OPRM1: variants seen among roughly 807,000 people sequenced by gnomAD.
OPRM1 encodes the protein opioid receptor mu 1, also known as mu-type opioid receptor.
Under a neutral mutation model 31.8 loss-of-function variants are expected in OPRM1, and 27 were observed. The ratio of observed to expected loss-of-function variants is 0.85; its 90% CI spans 0.63 to 1.17. OPRM1 has a LOEUF of 1.17. Among genes scored for constraint, OPRM1 ranks in the 50% most tolerant of loss-of-function variants. OPRM1 has a pLI of 0.00. For missense variants in OPRM1, 536 were observed against 511.1 expected (o/e 1.05, Z -0.47); for synonymous variants, 196 against 189.9 (o/e 1.03, Z -0.26).
chr6:154,133,677 G>A (rs1036820625), downstream of OPRM1, among the ~76,000 whole-genome samples: 5 of 152,100 alleles, frequency 3.3e-5, no homozygotes, highest in Admixed American at 6.5e-5. Context: ...TCATGTACCC[G>A]TGCCAGAATT....
intron 3 of OPRM1, among the ~76,000 whole-genome samples, chr6:154,172,078 C>T (rs1440735836): frequency 2.0e-5 from 3 of 152,166 alleles, no homozygotes; most frequent in Non-Finnish European, 4.4e-5. Context: ...TGATAGAAAA[C>T]AACTTACCAA....
intron 3 of OPRM1, among the ~76,000 whole-genome samples, chr6:154,111,404 G>T (rs181833385): frequency 4.6e-5 from 7 of 152,204 alleles, no homozygotes; most frequent in Admixed American, 1.3e-4. Context: ...ACTTTGAATG[G>T]CATCACAAAG....
At chr6:154,106,628 C>T (rs949471766) in intron 3 of OPRM1, among the ~76,000 whole-genome samples, 1 of 152,218 alleles carries the variant, frequency 6.6e-6, no homozygotes, top group Admixed American at 6.5e-5. Context: ...CTGACTTGCC[C>T]TAAACCTCCC....
intron 1 of OPRM1, among the ~76,000 whole-genome samples, chr6:154,016,431 T>C (rs933781538): frequency 2.6e-5 from 4 of 152,204 alleles, no homozygotes; most frequent in Non-Finnish European, 4.4e-5. Flanking sequence ...GAAGAGAATA[T>C]ACTGTTAATA....
intron 3 of OPRM1, among the ~76,000 whole-genome samples, chr6:154,179,457 G>C (rs1800647967): frequency 6.6e-6 from 1 of 152,190 alleles, no homozygotes. Context: ...AAGACCGCTT[G>C]TCTCTCTCCC....
rs1270215176 is a variant in OPRM1, at chr6:154,127,099, A to T, written c.*8378A>T. Among the ~76,000 whole-genome samples, 1 of 61,658 alleles carries T rather than the reference A, an allele frequency of 1.6e-5. No individual in the cohort carries two copies. The highest frequency in any genetic ancestry group is 3.1e-5 in the Non-Finnish European group (1 of 31,964). The allele number at this position is 61,658 out of a possible 152,430, so 40.5% of individuals were successfully genotyped here. ...ACTCCAGCCTGGGCAACAGAATGAG[A>T]TTGTCTCAAAAAAAAAAAAAAGTGC... On this transcript the variant is annotated 3_prime_UTR_variant, in exon 4 of 4. Coordinates refer to ENST00000330432, the MANE Select transcript of OPRM1 (RefSeq NM_000914.5).
rs1234919724 is a variant in OPRM1 at position 154,125,888 on chromosome 6, C to T, written c.*7167C>T. On this transcript the variant is annotated 3_prime_UTR_variant, in exon 4 of 4. Coordinates refer to ENST00000330432, the MANE Select transcript of OPRM1 (RefSeq NM_000914.5). ...CGGGATCTCGGCTCACTGCAAGCTC[C>T]GCCTCCCGGGTTCACGCCATTCTCC... is the stretch of plus-strand genomic sequence containing the variant. Among the ~76,000 whole-genome samples the T allele has an allele frequency of 1.7e-4, 1 of 6,024 alleles. No homozygotes were observed. The highest frequency in any genetic ancestry group is 2.3e-4 in the African/African-American group (1 of 4,354). 4.0% of individuals were successfully genotyped at this position (6,024 alleles called of 152,430 possible). A position where few individuals can be genotyped will look rare whatever the true frequency, so the allele number is the denominator to read the frequency against.
intron 1 of OPRM1, among the ~76,000 whole-genome samples, chr6:154,020,299 A>G (rs1778288706): frequency 6.6e-6 from 1 of 152,088 alleles, no homozygotes; most frequent in African/African-American, 2.4e-5. Flanking sequence ...AACAGTGGCT[A>G]GGTGTTTAGT....
At chr6:154,092,948 C>T (rs781247246) in intron 3 of OPRM1, among the ~76,000 whole-genome samples, 1 of 152,198 alleles carries the variant, frequency 6.6e-6, no homozygotes, top group Admixed American at 6.5e-5. Flanking sequence ...CTTTTCTCTA[C>T]GTTTTTTTCC....
At chr6:154,019,908 A>G (rs1778260122) in intron 1 of OPRM1, among the ~76,000 whole-genome samples, 3 of 151,404 alleles carry the variant, frequency 2.0e-5, no homozygotes, top group African/African-American at 4.9e-5. Context: ...TAATTTTTGT[A>G]TTTTTTGTAG....
At chr6:154,245,822 C>T (rs1480819699) in intron 3 of OPRM1, among the ~76,000 whole-genome samples, 2 of 152,170 alleles carry the variant, frequency 1.3e-5, no homozygotes, top group Non-Finnish European at 2.9e-5. Context: ...ATTCGACATT[C>T]AACAACATCG....
At chr6:154,209,728 C>T (rs898331013) in intron 3 of OPRM1, among the ~76,000 whole-genome samples, 1 of 151,714 alleles carries the variant, frequency 6.6e-6, no homozygotes, top group Non-Finnish European at 1.5e-5. Context: ...TAACCAAGTG[C>T]CTTCCATGTC....
chr6:154,030,487 G>A (rs936901752), intron 1 of OPRM1, among the ~76,000 whole-genome samples: 13 of 151,928 alleles, frequency 8.6e-5, no homozygotes, highest in African/African-American at 3.1e-4. Flanking sequence ...CTGTGTGCTT[G>A]GACACTTTCA....
intron 3 of OPRM1, among the ~76,000 whole-genome samples, chr6:154,149,234 C>T (rs1798433711): frequency 6.6e-6 from 1 of 152,122 alleles, no homozygotes; most frequent in South Asian, 2.1e-4. Flanking sequence ...GAAAACACAT[C>T]CTTCTTTACA....
rs540560422 is a variant in OPRM1, at chr6:154,185,707, TAGA to T, written c.1165-60972_1165-60970del. 9.9e-5 allele frequency among the ~76,000 whole-genome samples: 15 copies of T among 152,178 alleles called. 1 individual carries two copies. The highest frequency in any genetic ancestry group is 8.3e-4 in the South Asian group (4 of 4,822). The stretch of plus-strand genomic sequence containing the variant: ...ATCTTTTGGCTTCCCTCGGCCACAT[TAGA>T]AGAAGAAGAAGAACTGTCTTGGGCT... On this transcript the variant is annotated intron_variant, in intron 3 of 3. Transcript: ENST00000337049.
chr6:154,189,525 T>C (rs1374359933), intron 3 of OPRM1, among the ~76,000 whole-genome samples: 1 of 152,096 alleles, frequency 6.6e-6, no homozygotes, highest in African/African-American at 2.4e-5. Flanking sequence ...AGAGAGACTA[T>C]AGCAAATAAC....
At position 154,039,383 on chromosome 6, in the gene OPRM1, C is replaced by T. The variant is rs17174636; in HGVS notation, c.-162C>T. The T allele has an allele frequency of 7.1e-6, 11 of 1,545,788 alleles. No individual in the cohort carries two copies. In the Admixed American group the frequency reaches 2.0e-4, roughly 28 times the overall value. On this transcript the variant is annotated 5_prime_UTR_variant, in exon 1 of 4. Coordinates refer to ENST00000330432, the MANE Select transcript of OPRM1 (RefSeq NM_000914.5). ...AATGTCAGATGCTCAGCTCGGTCCC[C>T]TCCGCCTGACGCTCCTCTCTGTCTC...
rs1017902034 is a variant in OPRM1 at position 154,092,071 on chromosome 6, A to G, written c.1164+599A>G. 3.0e-5 allele frequency: 7 copies of G among 232,306 alleles called. 1 individual carries two copies. Among genetic ancestry groups the G allele is most frequent in the Non-Finnish European group, 4.2e-5 (6 of 141,454 alleles). The allele number at this position is 232,306 out of a possible 1,614,324, so 14.4% of individuals were successfully genotyped here. A position where few individuals can be genotyped will look rare whatever the true frequency, so the allele number is the denominator to read the frequency against. On this transcript the variant is annotated intron_variant, in intron 3 of 3. Coordinates refer to ENST00000330432, the MANE Select transcript of OPRM1 (RefSeq NM_000914.5). ...ATATTAGACTGAATAATATATTATTAATATGTGAATATTAATCTAATAAAT... is the reference window on the plus strand; with the variant it reads ...ATATTAGACTGAATAATATATTATTGATATGTGAATATTAATCTAATAAAT...
chr6:154,119,475 A>G lies in OPRM1; in HGVS notation c.*754A>G, dbSNP rs570256759. The G allele has an allele frequency of 3.6e-5, 35 of 983,560 alleles. No homozygotes were observed. The South Asian group carries it at 1.5e-3, about 41-fold the overall frequency. 60.9% of individuals were successfully genotyped at this position (983,560 alleles called of 1,614,324 possible). A position where few individuals can be genotyped will look rare whatever the true frequency, so the allele number is the denominator to read the frequency against. ...GTTTGTTCCTCAGTTTTAAATGTGC[A>G]ATTTTCTTGCTCCTATTTAAGTGTT... is the stretch of plus-strand genomic sequence containing the variant. On this transcript the variant is annotated 3_prime_UTR_variant, in exon 4 of 4. Transcript: ENST00000330432.
Sources: gnomAD v4.1 joint callset for allele counts (sites outside exome capture counted in the v4.1 genomes callset) on GRCh38, gnomAD v4.1.1 for gene constraint, MANE v1.5 for transcripts, NCBI Gene and HGNC (gene_info 2026-07-23, HGNC 2026-07-21) for gene names.